The following LRP1B variants were observed in gnomAD, a reference collection of about 807,000 sequenced individuals.
LRP1B encodes the protein low-density lipoprotein receptor-related protein 1B.
Under a neutral mutation model 556.6 loss-of-function variants are expected in LRP1B, and 217 were observed. The ratio of observed to expected loss-of-function variants is 0.39; its 90% CI spans 0.35 to 0.44. The LOEUF (loss-of-function observed/expected upper bound fraction) is 0.44, where lower values mean the gene tolerates loss of function less well. LRP1B is among the 20% of genes least tolerant of loss of function. The pLI, the probability that LRP1B is intolerant of heterozygous loss-of-function variation, is 1.00. For synonymous variants in LRP1B, 2,047 were observed against 1,865.8 expected, an observed-to-expected ratio of 1.10 and a Z score of -2.50; for missense variants, 5,053 against 5,620.8, an observed-to-expected ratio of 0.90 and a Z score of 3.23.
intron 3 of LRP1B, among the ~76,000 whole-genome samples, chr2:141,368,697 T>G (rs890937886): frequency 6.6e-6 from 1 of 152,192 alleles, no homozygotes; most frequent in Non-Finnish European, 1.5e-5. Context: ...TTATCACAGT[T>G]GTGATTTCTT....
chr2:141,961,119 T>G (rs559806141), intron 1 of LRP1B, among the ~76,000 whole-genome samples: 1 of 151,882 alleles, frequency 6.6e-6, no homozygotes, highest in South Asian at 2.1e-4. Context: ...ATAAAATTAC[T>G]TGGAGATAAT....
chr2:141,363,797 T>C (rs886995190), intron 3 of LRP1B, among the ~76,000 whole-genome samples: 2 of 152,180 alleles, frequency 1.3e-5, no homozygotes, highest in Non-Finnish European at 2.9e-5. Flanking sequence ...TTAAAATGTA[T>C]AGTTATTCTA....
At chr2:141,254,885 C>T (rs1306891325) in intron 3 of LRP1B, among the ~76,000 whole-genome samples, 2 of 152,006 alleles carry the variant, frequency 1.3e-5, no homozygotes, top group African/African-American at 4.8e-5. Context: ...TTCATAGTCA[C>T]AAAACCTTTC....
chr2:140,650,460 T>C (rs1259130870), intron 41 of LRP1B, among the ~76,000 whole-genome samples: 2 of 151,990 alleles, frequency 1.3e-5, no homozygotes, highest in African/African-American at 2.4e-5. Flanking sequence ...GCGATTCTCC[T>C]GTCTCAGCCT....
chr2:142,075,141 TAGTC>T (rs986097825), intron 1 of LRP1B, among the ~76,000 whole-genome samples: 5 of 152,236 alleles, frequency 3.3e-5, no homozygotes, highest in African/African-American at 1.2e-4. Flanking sequence ...TATTTGAAAA[TAGTC>T]AGTTCTGCTA....
chr2:140,695,667 G>C (rs1253498675), intron 41 of LRP1B, among the ~76,000 whole-genome samples: 1 of 152,110 alleles, frequency 6.6e-6, no homozygotes, highest in Non-Finnish European at 1.5e-5. Flanking sequence ...TGGTTTTAAA[G>C]TCAGAAATGG....
chr2:141,541,878 G>C (rs749594498), intron 2 of LRP1B, among the ~76,000 whole-genome samples: 12 of 151,972 alleles, frequency 7.9e-5, no homozygotes, highest in Non-Finnish European at 1.3e-4. Flanking sequence ...AGGAAAGCTA[G>C]AAATCTGTAA....
At chr2:140,739,362 C>A (rs1429787896) in intron 35 of LRP1B, among the ~76,000 whole-genome samples, 3 of 146,834 alleles carry the variant, frequency 2.0e-5, no homozygotes, top group African/African-American at 5.0e-5. Context: ...TGCAAAGAGT[C>A]AAAAAAAAAA....
At chr2:140,630,549 ATGGACAGTAGACTTTAG>A (rs1364877121) in intron 41 of LRP1B, among the ~76,000 whole-genome samples, 2 of 152,176 alleles carry the variant, frequency 1.3e-5, no homozygotes, top group Non-Finnish European at 2.9e-5. Flanking sequence ...ATTGCTGGAG[ATGGACAGTAGACTTTAG>A]TAAGAGTGAG....
intron 6 of LRP1B, among the ~76,000 whole-genome samples, chr2:141,216,190 G>A (rs1384180334): frequency 6.6e-6 from 1 of 152,112 alleles, no homozygotes; most frequent in East Asian, 1.9e-4. Context: ...ACCAGCCAGG[G>A]TTCAAAGGGT....
At chr2:141,482,224 A>C (rs1194498646) in intron 2 of LRP1B, among the ~76,000 whole-genome samples, 1 of 152,192 alleles carries the variant, frequency 6.6e-6, no homozygotes, top group Non-Finnish European at 1.5e-5. Context: ...TTTATCAAAT[A>C]GGAATTATAG....
At chr2:140,691,478 A>G (rs2105399808) in intron 41 of LRP1B, among the ~76,000 whole-genome samples, 1 of 141,784 alleles carries the variant, frequency 7.1e-6, no homozygotes, top group African/African-American at 2.6e-5. Flanking sequence ...CGAGAGCAAA[A>G]ACTCCACCTC....
At position 140,850,151 on chromosome 2, in the gene LRP1B, A is replaced by G; in HGVS notation, c.4890T>C (p.Ile1630=). The G allele has an allele frequency of 6.2e-7, 1 of 1,613,770 alleles. No homozygotes were observed. Among genetic ancestry groups the G allele is most frequent in the Non-Finnish European group, 8.5e-7 (1 of 1,179,792 alleles). The change falls in exon 29 of 91, where the codon ATT becomes ATC. Residue 1630 remains isoleucine (I), a synonymous_variant. Transcript: ENST00000389484. ...CAGTTCCGTTAATAAAAGCTCGTTT[A>G]ATGGTTTGTGTTTTAATATCTGTCC... The part of the protein sequence containing the change: ...LYWTDIKTQT[I]KRAFINGTGL...
At chr2:141,300,173 A>T (rs1422558075) in intron 3 of LRP1B, among the ~76,000 whole-genome samples, 1 of 152,216 alleles carries the variant, frequency 6.6e-6, no homozygotes, top group African/African-American at 2.4e-5. Flanking sequence ...CAGGCTTCAG[A>T]ACTAAGCAAA....
chr2:141,866,781 G>T (rs989190858), intron 1 of LRP1B, among the ~76,000 whole-genome samples: 1 of 151,474 alleles, frequency 6.6e-6, no homozygotes, highest in Non-Finnish European at 1.5e-5. Context: ...AAAGGGGACA[G>T]GATATGAGGT....
chr2:141,190,906 G>A (rs972606789), intron 6 of LRP1B, among the ~76,000 whole-genome samples: 1 of 151,938 alleles, frequency 6.6e-6, no homozygotes, highest in Admixed American at 6.6e-5. Context: ...CTCTGAAGGA[G>A]GTCATAGAAA....
intron 3 of LRP1B, among the ~76,000 whole-genome samples, chr2:141,315,697 T>G (rs1404030783): frequency 6.6e-6 from 1 of 151,966 alleles, no homozygotes; most frequent in Non-Finnish European, 1.5e-5. Context: ...AACAGAAGAT[T>G]CTCTGACTTT....
chr2:140,801,784 G>A (rs1303509474), intron 32 of LRP1B, among the ~76,000 whole-genome samples: 2 of 152,088 alleles, frequency 1.3e-5, no homozygotes, highest in Non-Finnish European at 2.9e-5. Context: ...TGGCTAAGTA[G>A]GTAATGCCAC....
At chr2:141,970,931 G>A (rs144536918) in intron 1 of LRP1B, among the ~76,000 whole-genome samples, 1 of 151,660 alleles carries the variant, frequency 6.6e-6, no homozygotes, top group African/African-American at 2.4e-5. Flanking sequence ...TTTAGATGAT[G>A]TTTAAAGATG....
Sources: allele counts gnomAD v4.1 joint callset (sites outside exome capture counted in the v4.1 genomes callset), GRCh38; gene constraint gnomAD v4.1.1; transcripts MANE v1.5; gene names NCBI Gene and HGNC (gene_info 2026-07-23, HGNC 2026-07-21).